CASP4: variants seen among roughly 807,000 people sequenced by gnomAD.
CASP4 encodes the protein caspase 4, also known as caspase-4.
CASP4 carries 29 observed loss-of-function variants against 41.3 expected under a neutral mutation model. The ratio of observed to expected loss-of-function variants is 0.70; its 90% CI spans 0.52 to 0.96. CASP4 has a LOEUF of 0.96. CASP4 is among the 40% of genes least tolerant of loss of function. The probability of loss-of-function intolerance (pLI) is 0.00; values close to 1 mark genes in which losing one functional copy is unlikely to be tolerated. For synonymous variants in CASP4, 185 were observed against 158.4 expected, an observed-to-expected ratio of 1.17 and a Z score of -1.26; for missense variants, 447 against 460.6, an observed-to-expected ratio of 0.97 and a Z score of 0.27.
At chr11:104,957,163 G>T (rs1860754791) in intron 1 of CASP4, among the ~76,000 whole-genome samples, 1 of 151,896 alleles carries the variant, frequency 6.6e-6, no homozygotes, top group South Asian at 2.1e-4. Flanking sequence ...AACCCTAAAG[G>T]ATCCACCAAA....
intron 1 of CASP4, among the ~76,000 whole-genome samples, chr11:104,964,673 G>C (rs888973586): frequency 6.6e-6 from 1 of 151,626 alleles, no homozygotes; most frequent in Non-Finnish European, 1.5e-5. Context: ...TTCATACCTT[G>C]TCTACACAGA....
intron 8 of CASP4, chr11:104,943,178 C>G (rs1386730222): frequency 6.0e-6 from 2 of 332,050 alleles, no homozygotes; most frequent in Admixed American, 4.1e-5. Flanking sequence ...TTCTAAAGCA[C>G]TAGAAAGGCT....
At chr11:104,955,437 T>C (rs1041958087) in intron 1 of CASP4, among the ~76,000 whole-genome samples, 4 of 152,162 alleles carry the variant, frequency 2.6e-5, no homozygotes, top group Admixed American at 6.6e-5. Context: ...TGATTTTTAC[T>C]CTTTTCTGTA....
At chr11:104,943,921 T>A (rs1273872603) in intron 8 of CASP4, 3 of 152,202 alleles carry the variant, frequency 2.0e-5, no homozygotes, top group Admixed American at 1.3e-4. Context: ...TAAGTATGTA[T>A]CTTAGAGGGA....
chr11:104,965,527 G>C (rs145229113), intron 1 of CASP4, among the ~76,000 whole-genome samples: 1 of 152,144 alleles, frequency 6.6e-6, no homozygotes, highest in African/African-American at 2.4e-5. Flanking sequence ...AGGTAATTAC[G>C]ACAGTGAAAG....
At chr11:104,952,116 G>A (rs1179533626) in intron 2 of CASP4, 111 bp from the exon 3 acceptor site, 1 of 648,774 alleles carries the variant, frequency 1.5e-6, no homozygotes, top group Non-Finnish European at 2.7e-6. Context: ...ACATATAGGG[G>A]TTTTAGTTGT....
intron 1 of CASP4, among the ~76,000 whole-genome samples, chr11:104,960,197 C>G (rs189426851): frequency 2.6e-5 from 4 of 152,274 alleles, no homozygotes; most frequent in Non-Finnish European, 4.4e-5. Flanking sequence ...GTCTAACCTT[C>G]AAGTCTCAGA....
At chr11:104,965,426 C>G (rs922773649) in intron 1 of CASP4, among the ~76,000 whole-genome samples, 33 of 152,198 alleles carry the variant, frequency 2.2e-4, no homozygotes, top group Non-Finnish European at 5.9e-5. Flanking sequence ...GATCGACAGC[C>G]TTTTCCCATC....
At chr11:104,959,009 A>G (rs985969162) in intron 1 of CASP4, among the ~76,000 whole-genome samples, 1 of 147,394 alleles carries the variant, frequency 6.8e-6, no homozygotes, top group Admixed American at 6.8e-5. Context: ...CATGGTCTTT[A>G]TGGAAACCTA....
intron 1 of CASP4, among the ~76,000 whole-genome samples, chr11:104,967,013 AT>A (rs1485537476): frequency 2.6e-5 from 4 of 152,234 alleles, no homozygotes; most frequent in Admixed American, 2.0e-4. Flanking sequence ...TATTATAATA[AT>A]CACTGAATGA....
At chr11:104,965,079 T>A (rs1860943447) in intron 1 of CASP4, among the ~76,000 whole-genome samples, 1 of 152,140 alleles carries the variant, frequency 6.6e-6, no homozygotes, top group Non-Finnish European at 1.5e-5. Context: ...ATACCCATTG[T>A]TAGTTTTGTT....
chr11:104,960,880 T>C (rs1181238670), intron 1 of CASP4, among the ~76,000 whole-genome samples: 1 of 152,348 alleles, frequency 6.6e-6, no homozygotes, highest in East Asian at 1.9e-4. Context: ...ACATCTGCAC[T>C]ATTTTTGGCA....
chr11:104,959,637 C>T (rs1860814241), intron 1 of CASP4, among the ~76,000 whole-genome samples: 1 of 152,178 alleles, frequency 6.6e-6, no homozygotes, highest in African/African-American at 2.4e-5. Context: ...CTCACAACCT[C>T]ATTTAACTCA....
chr11:104,961,727 G>T (rs1237839661), intron 1 of CASP4, among the ~76,000 whole-genome samples: 1 of 152,112 alleles, frequency 6.6e-6, no homozygotes, highest in Non-Finnish European at 1.5e-5. Flanking sequence ...CATCTGATTT[G>T]GAAGGCCTTC....
At chr11:104,957,901 A>G (rs754289614) in intron 1 of CASP4, among the ~76,000 whole-genome samples, 10 of 152,170 alleles carry the variant, frequency 6.6e-5, no homozygotes, top group Non-Finnish European at 1.5e-4. Context: ...ACTACAAAGT[A>G]CTACAGTCAT....
intron 2 of CASP4, among the ~76,000 whole-genome samples, chr11:104,952,929 G>C (rs370162378): frequency 1.3e-5 from 2 of 152,170 alleles, no homozygotes; most frequent in African/African-American, 4.8e-5. Context: ...GTGAAGACAT[G>C]CTGGATCCTG....
chr11:104,956,663 A>G (rs1191577916), intron 1 of CASP4: 15 of 984,784 alleles, frequency 1.5e-5, no homozygotes, highest in Non-Finnish European at 1.8e-5. Context: ...AGAAAACATT[A>G]GTGCATTCCA....
chr11:104,951,238 C>G, intron 3 of CASP4, 140 bp from the exon 4 acceptor site: 2 of 641,216 alleles, frequency 3.1e-6, no homozygotes, highest in Non-Finnish European at 5.2e-6. Flanking sequence ...GACTTTCTCT[C>G]TCTCAAGAAC....
intron 8 of CASP4, chr11:104,943,335 T>G: frequency 8.9e-6 from 2 of 224,730 alleles, no homozygotes. Context: ...TCATTGCAGT[T>G]CTTTAAACAT....
Sources: gnomAD v4.1 joint callset for allele counts (sites outside exome capture counted in the v4.1 genomes callset) on GRCh38, gnomAD v4.1.1 for gene constraint, MANE v1.5 for transcripts, NCBI Gene and HGNC (gene_info 2026-07-23, HGNC 2026-07-21) for gene names.